ATP2B2: variants seen among roughly 807,000 people sequenced by gnomAD.
The protein encoded by ATP2B2 is plasma membrane calcium-transporting ATPase 2.
Under a neutral mutation model 120.0 loss-of-function variants are expected in ATP2B2, and 15 were observed. That is an observed-to-expected ratio of 0.12 (90% CI 0.08 to 0.19). The LOEUF (loss-of-function observed/expected upper bound fraction) is 0.19. Among genes scored for constraint, ATP2B2 ranks in the 10% least tolerant of loss-of-function variants. The pLI, the probability that ATP2B2 is intolerant of heterozygous loss-of-function variation, is 1.00. For missense variants in ATP2B2, 1,045 were observed against 1,719.8 expected (o/e 0.61, Z 6.94); for synonymous variants, 694 against 700.3 (o/e 0.99, Z 0.14).
At chr3:10,683,760 G>GTGTGTGTATGTATGTA (rs1446781892) in intron 1 of ATP2B2, among the ~76,000 whole-genome samples, 2 of 53,914 alleles carry the variant, frequency 3.7e-5, no homozygotes, top group African/African-American at 1.1e-4. Flanking sequence ...GTGTGTGTGT[G>GTGTGTGTATGTATGTA]TATATATATA....
intron 1 of ATP2B2, among the ~76,000 whole-genome samples, chr3:10,501,370 AC>A (rs2066382934): frequency 8.6e-6 from 1 of 116,196 alleles, no homozygotes; most frequent in Non-Finnish European, 1.7e-5. Context: ...CATTTTTTAA[AC>A]GGTTTTTTTT....
intron 1 of ATP2B2, among the ~76,000 whole-genome samples, chr3:10,664,571 C>G (rs1190152898): frequency 6.6e-6 from 1 of 152,186 alleles, no homozygotes; most frequent in African/African-American, 2.4e-5. Flanking sequence ...CTCCCCTCCT[C>G]CTGGCATGGC....
intron 2 of ATP2B2, among the ~76,000 whole-genome samples, chr3:10,597,443 A>G (rs1234355786): frequency 3.3e-5 from 5 of 152,192 alleles, no homozygotes; most frequent in Non-Finnish European, 4.4e-5. Context: ...CCCCTTCTAC[A>G]GGGAGTTGCA....
At chr3:10,507,769 A>G (rs1298756138), upstream of ATP2B2, among the ~76,000 whole-genome samples, 2 of 152,104 alleles carry the variant, frequency 1.3e-5, no homozygotes, top group African/African-American at 4.8e-5. Flanking sequence ...GATCCTCCCA[A>G]CTACCTCTGG....
chr3:10,427,728 C>A (rs2063188009), intron 2 of ATP2B2, among the ~76,000 whole-genome samples: 1 of 152,180 alleles, frequency 6.6e-6, no homozygotes, highest in Admixed American at 6.5e-5. Flanking sequence ...ATGTTTTCCA[C>A]CTGAAATACC....
chr3:10,486,324 C>CGTGTGTGCGTGT (rs763360449), intron 1 of ATP2B2, among the ~76,000 whole-genome samples: 5,362 of 117,088 alleles, frequency 0.046, 133 homozygotes, highest in South Asian at 0.12. Context: ...TGTGTGCGTG[C>CGTGTGTGCGTGT]GTGTGTGTGT....
intron 2 of ATP2B2, among the ~76,000 whole-genome samples, chr3:10,594,056 G>T (rs2068705072): frequency 6.6e-6 from 1 of 152,172 alleles, no homozygotes; most frequent in South Asian, 2.1e-4. Flanking sequence ...TCATTAAAAA[G>T]TCAGGAAACA....
intron 3 of ATP2B2, among the ~76,000 whole-genome samples, chr3:10,523,711 C>T (rs146034435): frequency 3.4e-4 from 51 of 152,238 alleles, no homozygotes; most frequent in East Asian, 1.9e-3. Flanking sequence ...CTTCCTCCCC[C>T]GCTTGATTAT....
At chr3:10,650,102 G>A (rs2070417326) in intron 1 of ATP2B2, among the ~76,000 whole-genome samples, 1 of 152,230 alleles carries the variant, frequency 6.6e-6, no homozygotes, top group African/African-American at 2.4e-5. Flanking sequence ...GCAGAAGTGG[G>A]AACAGTTTGG....
At chr3:10,385,402 A>C in intron 7 of ATP2B2, 75 bp from the exon 8 acceptor site, 1 of 1,297,338 alleles carries the variant, frequency 7.7e-7, no homozygotes, top group Non-Finnish European at 1.1e-6. Flanking sequence ...ACATGAACCA[A>C]CTTGTGGGGA....
chr3:10,412,840 C>A (rs1214222716), intron 2 of ATP2B2, among the ~76,000 whole-genome samples: 1 of 152,138 alleles, frequency 6.6e-6, no homozygotes, highest in African/African-American at 2.4e-5. Context: ...CAAAAATGGG[C>A]CCCGCAGCGG....
chr3:10,689,172 C>T (rs139181470), intron 1 of ATP2B2, among the ~76,000 whole-genome samples: 2 of 151,960 alleles, frequency 1.3e-5, no homozygotes, highest in East Asian at 1.9e-4. Flanking sequence ...TTACCTGGTG[C>T]AGATCTCCAT....
intron 12 of ATP2B2, among the ~76,000 whole-genome samples, chr3:10,371,313 C>T (rs2061234570): frequency 6.6e-6 from 1 of 152,214 alleles, no homozygotes; most frequent in African/African-American, 2.4e-5. Flanking sequence ...ATGAGCCAGC[C>T]CAGCTGAGGC....
intron 12 of ATP2B2, among the ~76,000 whole-genome samples, chr3:10,368,868 A>G (rs549224215): frequency 2.0e-5 from 3 of 152,138 alleles, no homozygotes; most frequent in African/African-American, 7.2e-5. Context: ...CATCTCATTG[A>G]TTGCTCATCA....
intron 22 of ATP2B2, among the ~76,000 whole-genome samples, chr3:10,336,707 A>G (rs2060126701): frequency 6.6e-6 from 1 of 152,204 alleles, no homozygotes; most frequent in East Asian, 1.9e-4. Flanking sequence ...CAGCTCTGTC[A>G]CTTACTAGCT....
At chr3:10,421,903 A>G (rs184743987) in intron 2 of ATP2B2, among the ~76,000 whole-genome samples, 2 of 152,330 alleles carry the variant, frequency 1.3e-5, no homozygotes, top group South Asian at 2.1e-4. Context: ...TCACTTCCTG[A>G]AAGGCTTCCT....
At chr3:10,488,233 C>A (rs1483415783) in intron 1 of ATP2B2, among the ~76,000 whole-genome samples, 4 of 104,580 alleles carry the variant, frequency 3.8e-5, no homozygotes, top group East Asian at 6.7e-4. Context: ...ACTCATCCAC[C>A]TATCCATCCA....
Position 10,685,484 on chromosome 3 carries a change from C to A in ATP2B2, c.-460+22431G>T, listed in dbSNP as rs114869067. Among the ~76,000 whole-genome samples, 924 of 152,066 alleles carry A rather than the reference C, an allele frequency of 6.1e-3. 5 individuals carry two copies. Among genetic ancestry groups the A allele is most frequent in the African/African-American group, 0.021 (891 of 41,518 alleles). On this transcript the variant is annotated intron_variant, in intron 1 of 21. Coordinates refer to the ATP2B2 transcript ENST00000646379. Reference sequence around the variant, plus strand: ...AGATTACCAGACCTTGGCTAAAGGTCTCCTCACTTGCCTGAGAGAGAGAGA... The same window carrying A: ...AGATTACCAGACCTTGGCTAAAGGTATCCTCACTTGCCTGAGAGAGAGAGA...
chr3:10,422,459 G>A (rs1039347779), intron 2 of ATP2B2, among the ~76,000 whole-genome samples: 7 of 152,204 alleles, frequency 4.6e-5, no homozygotes, highest in Admixed American at 3.3e-4. Flanking sequence ...TTCCTGATGG[G>A]CAAGGTGCAG....
Sources: gnomAD v4.1 joint callset for allele counts (sites outside exome capture counted in the v4.1 genomes callset) on GRCh38, gnomAD v4.1.1 for gene constraint, MANE v1.5 for transcripts, NCBI Gene and HGNC (gene_info 2026-07-23, HGNC 2026-07-21) for gene names.